Variants in ATP6V1H observed in about 807,000 individuals in gnomAD.
ATP6V1H encodes the protein ATPase H+ transporting V1 subunit H.
A neutral mutation model predicts 71.7 loss-of-function variants in ATP6V1H; 39 were observed. The ratio of observed to expected loss-of-function variants is 0.54; its 90% CI spans 0.42 to 0.71. The LOEUF (loss-of-function observed/expected upper bound fraction) is 0.71. ATP6V1H is among the 30% of genes least tolerant of loss of function. ATP6V1H has a pLI of 0.00. For missense variants in ATP6V1H, 509 were observed against 594.9 expected (o/e 0.86, Z 1.50); for synonymous variants, 192 against 199.3 (o/e 0.96, Z 0.31).
chr8:53,746,882 G>A (rs1390155870), intron 12 of ATP6V1H, among the ~76,000 whole-genome samples: 1 of 152,106 alleles, frequency 6.6e-6, no homozygotes, highest in Non-Finnish European at 1.5e-5. Context: ...TCATTTATGA[G>A]CTATTGTCTA....
intron 10 of ATP6V1H, among the ~76,000 whole-genome samples, chr8:53,770,497 T>C (rs1426341690): frequency 6.6e-6 from 1 of 152,196 alleles, no homozygotes; most frequent in Non-Finnish European, 1.5e-5. Context: ...TACTAGTAAT[T>C]CGGTATAACC....
At chr8:53,801,717 T>C in intron 8 of ATP6V1H, 82 bp downstream of exon 8, 1 of 1,128,640 alleles carries the variant, frequency 8.9e-7, no homozygotes, top group South Asian at 1.5e-5. Context: ...ATATTTCTTT[T>C]AGATGATTAC....
chr8:53,720,654 T>C (rs984085307), intron 13 of ATP6V1H, among the ~76,000 whole-genome samples: 7 of 152,260 alleles, frequency 4.6e-5, no homozygotes, highest in African/African-American at 1.7e-4. Flanking sequence ...ACTATAATAG[T>C]GTTTCAACAT....
intron 11 of ATP6V1H, among the ~76,000 whole-genome samples, chr8:53,760,629 T>C (rs1296115779): frequency 1.3e-5 from 2 of 152,178 alleles, no homozygotes; most frequent in Admixed American, 1.3e-4. Context: ...TCAGCAGAAT[T>C]ATTTCCTCCA....
At chr8:53,721,267 A>G (rs1284832816) in intron 13 of ATP6V1H, among the ~76,000 whole-genome samples, 2 of 152,124 alleles carry the variant, frequency 1.3e-5, no homozygotes, top group Non-Finnish European at 2.9e-5. Flanking sequence ...CTTTGTTTTT[A>G]TGAACTGAAA....
At chr8:53,791,809 T>C (rs1265063938) in intron 9 of ATP6V1H, among the ~76,000 whole-genome samples, 1 of 152,200 alleles carries the variant, frequency 6.6e-6, no homozygotes, top group Admixed American at 6.5e-5. Context: ...GCATTGCTTA[T>C]TCACGTCGAC....
At chr8:53,757,539 A>C (rs1287656181) in intron 11 of ATP6V1H, among the ~76,000 whole-genome samples, 3 of 152,260 alleles carry the variant, frequency 2.0e-5, no homozygotes, top group Non-Finnish European at 4.4e-5. Context: ...AATTCATTCT[A>C]AAAGCAGAGC....
intron 4 of ATP6V1H, among the ~76,000 whole-genome samples, chr8:53,823,700 T>A (rs1810734397): frequency 6.6e-6 from 1 of 152,138 alleles, no homozygotes; most frequent in South Asian, 2.1e-4. Context: ...GGTCTCAAAC[T>A]CTTGACCTCA....
intron 9 of ATP6V1H, among the ~76,000 whole-genome samples, chr8:53,783,571 T>G (rs1683614359): frequency 6.6e-6 from 1 of 152,250 alleles, no homozygotes; most frequent in Admixed American, 6.5e-5. Context: ...AGTTATTTCT[T>G]GCCTTCTGCT....
In ATP6V1H at chr8:53,715,799, G is replaced by A. The variant is rs1052267748; in HGVS notation, c.*165C>T. ...TCACCTACTTTTATACAACTTAACA[G>A]GCAAACATGTTATTTTGTTGTTGTT... On this transcript the variant is annotated 3_prime_UTR_variant, in exon 14 of 14. Transcript: ENST00000359530. The A allele has an allele frequency of 3.7e-6, 2 of 535,704 alleles. No individual in the cohort carries two copies. The highest frequency in any genetic ancestry group is 6.5e-6 in the Non-Finnish European group (2 of 305,970). 33.2% of individuals were successfully genotyped at this position (535,704 alleles called of 1,614,324 possible).
chr8:53,768,929 T>C lies in ATP6V1H; in HGVS notation c.1175+689A>G, dbSNP rs180700473. On this transcript the variant is annotated intron_variant, in intron 11 of 13. Transcript: ENST00000359530. ...CAGATGAATTGTATGCTATACAAAT[T>C]ATACCTCACTAAAAAAAGAAAGAAA... 2.1e-3 allele frequency among the ~76,000 whole-genome samples: 325 copies of C among 152,230 alleles called. 1 individual carries two copies. Among genetic ancestry groups the C allele is most frequent in the African/African-American group, 7.4e-3 (306 of 41,536 alleles).
chr8:53,811,078 T>G lies in ATP6V1H; in HGVS notation c.579+86A>C, dbSNP rs73680313. The G allele has an allele frequency of 2.7e-3, 2,937 of 1,098,898 alleles. 10 individuals carry two copies. The highest frequency in any genetic ancestry group is 3.5e-3 in the Non-Finnish European group (2,617 of 738,880). The allele number at this position is 1,098,898 out of a possible 1,614,324, so 68.1% of individuals were successfully genotyped here. On this transcript the variant is annotated intron_variant, in intron 7 of 13. Transcript: ENST00000359530. Reference sequence around the variant, plus strand: ...GACCATGGATTTATAGTTGGGGAACTAGTAAACACCTTCAAAATTTTAAGT... The same window carrying G: ...GACCATGGATTTATAGTTGGGGAACGAGTAAACACCTTCAAAATTTTAAGT...
intron 13 of ATP6V1H, among the ~76,000 whole-genome samples, chr8:53,728,935 G>A (rs1185432690): frequency 6.6e-6 from 1 of 152,192 alleles, no homozygotes; most frequent in East Asian, 1.9e-4. Flanking sequence ...AGCTCCATGA[G>A]GGCAGAAACG....
chr8:53,834,856 G>A (rs534517049), intron 2 of ATP6V1H, among the ~76,000 whole-genome samples: 3 of 151,806 alleles, frequency 2.0e-5, no homozygotes, highest in African/African-American at 7.2e-5. Flanking sequence ...ACTATGCACA[G>A]TTAGGCTAGG....
chr8:53,784,129 T>C (rs1192673481), intron 9 of ATP6V1H, among the ~76,000 whole-genome samples: 2 of 152,204 alleles, frequency 1.3e-5, no homozygotes, highest in African/African-American at 4.8e-5. Flanking sequence ...CTGTCTAATG[T>C]TGACAGTGGG....
intron 9 of ATP6V1H, among the ~76,000 whole-genome samples, chr8:53,775,285 G>T (rs184466114): frequency 6.6e-6 from 1 of 152,326 alleles, no homozygotes; most frequent in East Asian, 1.9e-4. Flanking sequence ...AACCAGTGTG[G>T]ACCCAAAGAG....
chr8:53,780,787 A>G (rs1809091587), intron 9 of ATP6V1H, among the ~76,000 whole-genome samples: 1 of 151,844 alleles, frequency 6.6e-6, no homozygotes, highest in Admixed American at 6.6e-5. Context: ...GAGAATATGC[A>G]GTGTTTGGTA....
rs1377322494 is a variant in ATP6V1H at position 53,843,150 on chromosome 8, C to G, written c.-152G>C. On this transcript the variant is annotated 5_prime_UTR_variant, in exon 1 of 14. Transcript: ENST00000359530. Reference sequence around the variant, plus strand: ...TCAGAGCCAAGTAGGCGTCTCCTGTCAGGTCCAGAGGTCTGAGCAGTGGAG... The same window carrying G: ...TCAGAGCCAAGTAGGCGTCTCCTGTGAGGTCCAGAGGTCTGAGCAGTGGAG... 3 of 152,380 alleles carry G rather than the reference C, an allele frequency of 2.0e-5. No homozygotes were observed. Among genetic ancestry groups the G allele is most frequent in the Non-Finnish European group, 2.9e-5 (2 of 68,168 alleles). 9.4% of individuals were successfully genotyped at this position (152,380 alleles called of 1,614,324 possible). A position where few individuals can be genotyped will look rare whatever the true frequency, so the allele number is the denominator to read the frequency against.
At chr8:53,727,667 A>C (rs1396341578) in intron 13 of ATP6V1H, among the ~76,000 whole-genome samples, 2 of 151,894 alleles carry the variant, frequency 1.3e-5, no homozygotes, top group Admixed American at 6.6e-5. Context: ...CACGACTTCC[A>C]CTCTCACTCC....
Sources: allele counts gnomAD v4.1 joint callset (sites outside exome capture counted in the v4.1 genomes callset), GRCh38; gene constraint gnomAD v4.1.1; transcripts MANE v1.5; gene names NCBI Gene and HGNC (gene_info 2026-07-23, HGNC 2026-07-21).